Variants in KLHL4 observed in about 807,000 individuals in gnomAD.
KLHL4 encodes the protein kelch like family member 4, also known as kelch-like protein 4.
Under a neutral mutation model 45.8 loss-of-function variants are expected in KLHL4, and 17 were observed. The ratio of observed to expected loss-of-function variants is 0.37; its 90% CI spans 0.25 to 0.56. KLHL4 has a LOEUF of 0.56. Among genes scored for constraint, KLHL4 ranks in the 20% least tolerant of loss-of-function variants. The pLI is 0.79. For synonymous variants in KLHL4, 224 were observed against 189.9 expected, an observed-to-expected ratio of 1.18 and a Z score of -1.47; for missense variants, 544 against 544.9, an observed-to-expected ratio of 1.00 and a Z score of 0.02.
chrX:87,541,808 G>A (rs1374086952), intron 1 of KLHL4, among the ~76,000 whole-genome samples: 1 of 111,450 alleles, frequency 9.0e-6, no homozygotes, highest in Non-Finnish European at 1.9e-5. Context: ...GCAGAGCTTG[G>A]AACAGTTTGG....
At chrX:87,583,089 G>A (rs746139423) in intron 1 of KLHL4, among the ~76,000 whole-genome samples, 27 of 111,786 alleles carry the variant, frequency 2.4e-4, no homozygotes, top group African/African-American at 6.5e-4. Context: ...TGATTGGTGC[G>A]TTTTTACAGA....
intron 1 of KLHL4, among the ~76,000 whole-genome samples, chrX:87,531,101 A>G (rs1475358921): frequency 3.6e-5 from 4 of 110,713 alleles, no homozygotes; most frequent in Admixed American, 1.9e-4. Flanking sequence ...TCCTTTGCCC[A>G]CTTTTTGATG....
At chrX:87,564,420 G>GA (rs1295046320) in intron 1 of KLHL4, among the ~76,000 whole-genome samples, 264 of 103,385 alleles carry the variant, frequency 2.6e-3, no homozygotes, top group Non-Finnish European at 3.3e-3. Context: ...GTAACTTCAG[G>GA]AAAAAAAAAA....
intron 6 of KLHL4, among the ~76,000 whole-genome samples, chrX:87,627,919 A>G (rs1922982451): frequency 9.0e-6 from 1 of 110,887 alleles, no homozygotes; most frequent in Non-Finnish European, 1.9e-5. Context: ...GGAATGTATT[A>G]CAACAAATGT....
At chrX:87,554,092 C>A (rs1348872369) in intron 1 of KLHL4, among the ~76,000 whole-genome samples, 1 of 95,671 alleles carries the variant, frequency 1.0e-5, no homozygotes, top group Non-Finnish European at 2.1e-5. Context: ...TGTTTTGGTA[C>A]CAGTACCATG....
chrX:87,596,978 G>T (rs756726639), intron 1 of KLHL4, among the ~76,000 whole-genome samples: 60 of 112,311 alleles, frequency 5.3e-4, no homozygotes, highest in African/African-American at 1.9e-3. Context: ...GAAAGAGATT[G>T]GTTTTGTTTA....
intron 9 of KLHL4, among the ~76,000 whole-genome samples, chrX:87,638,367 A>G (rs772093920): frequency 8.9e-6 from 1 of 111,837 alleles, no homozygotes; most frequent in African/African-American, 3.2e-5. Context: ...TATCACAAAA[A>G]AATCATCGCC....
At chrX:87,540,629 G>A (rs112304795) in intron 1 of KLHL4, among the ~76,000 whole-genome samples, 6 of 111,061 alleles carry the variant, frequency 5.4e-5, no homozygotes, top group Non-Finnish European at 1.1e-4. Context: ...TACACATGGA[G>A]CTGTATCTCT....
intron 1 of KLHL4, among the ~76,000 whole-genome samples, chrX:87,559,701 C>T (rs774960471): frequency 1.1e-4 from 12 of 111,242 alleles, no homozygotes; most frequent in Non-Finnish European, 1.9e-5. Context: ...ATAATACATG[C>T]AAGACACCTT....
chrX:87,549,199 T>C (rs1386727368), intron 1 of KLHL4, among the ~76,000 whole-genome samples: 2 of 110,686 alleles, frequency 1.8e-5, no homozygotes, highest in African/African-American at 6.5e-5. Flanking sequence ...GATAAAATGA[T>C]CAATTTTAAA....
intron 9 of KLHL4, among the ~76,000 whole-genome samples, chrX:87,650,787 A>T (rs1569362311): frequency 8.9e-6 from 1 of 111,910 alleles, no homozygotes; most frequent in African/African-American, 3.3e-5. Flanking sequence ...GGGAAGAAAA[A>T]GATGTTTAAT....
At chrX:87,631,035 G>A (rs956863795) in intron 6 of KLHL4, among the ~76,000 whole-genome samples, 2 of 111,636 alleles carry the variant, frequency 1.8e-5, no homozygotes, top group Admixed American at 9.5e-5. Flanking sequence ...AGATGAGCTG[G>A]TGAGGAGGTG....
chrX:87,565,702 AAAAAAAAAAAAG>A (rs1473992277), intron 1 of KLHL4, among the ~76,000 whole-genome samples: 11 of 99,501 alleles, frequency 1.1e-4, no homozygotes, highest in Admixed American at 3.7e-4. Context: ...AAAAAAAAAA[AAAAAAAAAAAAG>A]GAAATGAATT....
intron 1 of KLHL4, among the ~76,000 whole-genome samples, chrX:87,577,334 G>C (rs1208847910): frequency 8.9e-6 from 1 of 111,742 alleles, no homozygotes; most frequent in Non-Finnish European, 1.9e-5. Flanking sequence ...TAGTATATCA[G>C]CTTTGAAAAC....
At chrX:87,611,607 A>G (rs919531384) in intron 1 of KLHL4, among the ~76,000 whole-genome samples, 10 of 110,758 alleles carry the variant, frequency 9.0e-5, no homozygotes, top group African/African-American at 3.3e-4. Flanking sequence ...AATTATGTAC[A>G]GTACATAGTA....
intron 1 of KLHL4, among the ~76,000 whole-genome samples, chrX:87,611,666 T>TACTATACTATACTATACTAC (rs1556033173): frequency 9.2e-6 from 1 of 108,372 alleles, no homozygotes; most frequent in Non-Finnish European, 1.9e-5. Context: ...GTACATACTA[T>TACTATACTATACTATACTAC]ACTATACTAT....
intron 1 of KLHL4, among the ~76,000 whole-genome samples, chrX:87,600,476 T>C (rs1481245885): frequency 4.1e-4 from 30 of 72,951 alleles, no homozygotes; most frequent in Admixed American, 1.3e-3. Context: ...GAACGAGACT[T>C]CGTCTCACAA....
chrX:87,541,372 C>T (rs1019714878), intron 1 of KLHL4, among the ~76,000 whole-genome samples: 39 of 106,850 alleles, frequency 3.6e-4, no homozygotes, highest in Non-Finnish European at 2.3e-4. Context: ...GTAGTCCCAG[C>T]TACTCAGGAG....
intron 1 of KLHL4, among the ~76,000 whole-genome samples, chrX:87,528,806 A>G (rs1359378266): frequency 9.2e-6 from 1 of 108,268 alleles, no homozygotes; most frequent in Non-Finnish European, 1.9e-5. Flanking sequence ...AACACTTTCC[A>G]AGTATGGCAT....
Sources: allele counts gnomAD v4.1 joint callset (sites outside exome capture counted in the v4.1 genomes callset), GRCh38; gene constraint gnomAD v4.1.1; transcripts MANE v1.5; gene names NCBI Gene and HGNC (gene_info 2026-07-23, HGNC 2026-07-21).